NPIPB2: variants seen among roughly 807,000 people sequenced by gnomAD.
NPIPB2 encodes the protein nuclear pore complex-interacting protein family member B2.
A neutral mutation model predicts 30.8 loss-of-function variants in NPIPB2; 27 were observed. The observed-to-expected ratio is 0.88, with a 90% CI of 0.65 to 1.21. The LOEUF (loss-of-function observed/expected upper bound fraction) is 1.21, where lower values mean the gene tolerates loss of function less well. Ranked by LOEUF, NPIPB2 falls within the 50% of genes most tolerant of loss-of-function variation. The pLI is 0.00. For missense variants in NPIPB2, 440 were observed against 446.2 expected (o/e 0.99, Z 0.13); for synonymous variants, 147 against 162.0 (o/e 0.91, Z 0.70).
rs572979668 is a variant in NPIPB2, at chr16:11,935,249, C to G, written c.193-1325G>C. ...TATTAAATATTTGTTCTCATCATAG[C>G]TAAAATGCAATGCAAATCCCATCTC... On this transcript the variant is annotated intron_variant, in intron 2 of 7. Transcript: ENST00000399147. Among the ~76,000 whole-genome samples, 14 of 152,050 alleles carry G rather than the reference C, an allele frequency of 9.2e-5. No homozygotes were observed. In the East Asian group the frequency reaches 2.7e-3, roughly 29 times the overall value.
intron 1 of NPIPB2, chr16:11,965,197 G>A: frequency 2.4e-6 from 3 of 1,235,086 alleles, no homozygotes; most frequent in South Asian, 2.9e-5. Flanking sequence ...AACCCACGAA[G>A]CAGGCGAAGT....
At chr16:11,944,593 T>C (rs1335679516), upstream of NPIPB2, among the ~76,000 whole-genome samples, 1 of 150,460 alleles carries the variant, frequency 6.6e-6, no homozygotes, top group Non-Finnish European at 1.5e-5. Context: ...CAAAACCCTG[T>C]CTCTACTAAA....
intron 1 of NPIPB2, 173 bp downstream of exon 1, chr16:11,941,810 A>C (rs542583205): frequency 8.4e-5 from 107 of 1,274,572 alleles, no homozygotes; most frequent in South Asian, 2.2e-4. Context: ...CCTCCCAAGG[A>C]CAGGTCCTCT....
chr16:11,971,883 T>G (rs897186813), intron 1 of NPIPB2, among the ~76,000 whole-genome samples: 1 of 152,038 alleles, frequency 6.6e-6, no homozygotes, highest in Non-Finnish European at 1.5e-5. Context: ...GTAGTGGCTC[T>G]TGCCTGTAAT....
chr16:11,946,126 C>T (rs745373246), upstream of NPIPB2, among the ~76,000 whole-genome samples: 8 of 151,806 alleles, frequency 5.3e-5, no homozygotes, highest in Non-Finnish European at 1.0e-4. Context: ...TGGCTTATAC[C>T]TGTAATCCCA....
chr16:11,930,140 C>T (rs1258999102), intron 5 of NPIPB2, among the ~76,000 whole-genome samples: 1 of 85,288 alleles, frequency 1.2e-5, no homozygotes, highest in Non-Finnish European at 2.3e-5. Flanking sequence ...GTTGATCCTA[C>T]AACAACACAC....
intron 1 of NPIPB2, among the ~76,000 whole-genome samples, chr16:11,955,551 T>C (rs1351193629): frequency 1.3e-5 from 2 of 150,582 alleles, no homozygotes; most frequent in Non-Finnish European, 1.5e-5. Context: ...CTACTAAAAA[T>C]ACAAAAAAAC....
chr16:11,970,590 C>T (rs182389815), intron 1 of NPIPB2, among the ~76,000 whole-genome samples: 1 of 152,090 alleles, frequency 6.6e-6, no homozygotes, highest in Admixed American at 6.6e-5. Context: ...GGTTAGAGTG[C>T]AGTGGTACGA....
At chr16:11,949,769 C>T (rs1293122338) in intron 1 of NPIPB2, among the ~76,000 whole-genome samples, 4 of 152,158 alleles carry the variant, frequency 2.6e-5, no homozygotes, top group Non-Finnish European at 5.9e-5. Flanking sequence ...TCTTTAACAC[C>T]GTTTAGGATT....
intron 1 of NPIPB2, among the ~76,000 whole-genome samples, chr16:11,941,626 C>G (rs1442150207): frequency 5.9e-5 from 9 of 151,916 alleles, no homozygotes; most frequent in Non-Finnish European, 1.2e-4. Flanking sequence ...CTGCTATCCA[C>G]CAAACCTTCT....
At chr16:11,927,265 T>G, downstream of NPIPB2, 2 of 678,208 alleles carry the variant, frequency 2.9e-6, no homozygotes, top group Non-Finnish European at 5.1e-6. Flanking sequence ...AGTATTTATT[T>G]TATTTTTATA....
intron 1 of NPIPB2, chr16:11,967,572 T>A (rs762933989): frequency 6.2e-7 from 1 of 1,610,000 alleles, no homozygotes; most frequent in Non-Finnish European, 8.5e-7. Flanking sequence ...ATAATTAGGA[T>A]CAGGTCTCCT....
intron 1 of NPIPB2, among the ~76,000 whole-genome samples, chr16:11,975,926 G>A (rs918580092): frequency 5.9e-5 from 9 of 151,414 alleles, no homozygotes; most frequent in African/African-American, 2.2e-4. Context: ...AATTCAGATC[G>A]TATCACTCCT....
intron 1 of NPIPB2, among the ~76,000 whole-genome samples, chr16:11,956,397 C>T (rs1318031626): frequency 6.6e-6 from 1 of 152,130 alleles, no homozygotes. Context: ...GATCTCTTGC[C>T]GGGAGCAGTG....
At chr16:11,960,184 T>A (rs903563541) in intron 1 of NPIPB2, among the ~76,000 whole-genome samples, 9 of 152,166 alleles carry the variant, frequency 5.9e-5, no homozygotes, top group African/African-American at 2.2e-4. Flanking sequence ...TGACGAACAG[T>A]TCTGTTGCTC....
upstream of NPIPB2, among the ~76,000 whole-genome samples, chr16:11,944,455 C>T (rs1000331777): frequency 6.6e-6 from 1 of 151,802 alleles, no homozygotes; most frequent in Non-Finnish European, 1.5e-5. Context: ...TCATGAGCCA[C>T]CACACCTGGC....
At chr16:11,971,251 C>G (rs2055233990) in intron 1 of NPIPB2, among the ~76,000 whole-genome samples, 1 of 152,166 alleles carries the variant, frequency 6.6e-6, no homozygotes, top group Admixed American at 6.6e-5. Context: ...GAGATTTATT[C>G]TGAACCAAAT....
At chr16:11,970,867 T>TC (rs1472685402) in intron 1 of NPIPB2, among the ~76,000 whole-genome samples, 2 of 144,636 alleles carry the variant, frequency 1.4e-5, no homozygotes, top group African/African-American at 2.6e-5. Context: ...TTTCTTTTTT[T>TC]TTTTTGAGAT....
chr16:11,970,157 T>C (rs2055227464), intron 1 of NPIPB2, among the ~76,000 whole-genome samples: 1 of 152,006 alleles, frequency 6.6e-6, no homozygotes, highest in African/African-American at 2.4e-5. Context: ...GAGACCAGCC[T>C]GACCAACATG....
Sources: gnomAD v4.1 joint callset for allele counts (sites outside exome capture counted in the v4.1 genomes callset) on GRCh38, gnomAD v4.1.1 for gene constraint, MANE v1.5 for transcripts, NCBI Gene and HGNC (gene_info 2026-07-23, HGNC 2026-07-21) for gene names.